The following PPP1R9A variants were observed in gnomAD, a reference collection of about 807,000 sequenced individuals.
PPP1R9A encodes the protein neurabin-1.
PPP1R9A carries 59 observed loss-of-function variants against 141.9 expected under a neutral mutation model. That is an observed-to-expected ratio of 0.42 (90% CI 0.34 to 0.52). The LOEUF is 0.52. Among genes scored for constraint, PPP1R9A ranks in the 20% least tolerant of loss-of-function variants. PPP1R9A has a pLI of 0.10. For missense variants in PPP1R9A, 1,444 were observed against 1,611.9 expected, an observed-to-expected ratio of 0.90 and a Z score of 1.78; for synonymous variants, 500 against 569.7, an observed-to-expected ratio of 0.88 and a Z score of 1.74.
At chr7:95,091,835 T>A (rs1817391454) in intron 2 of PPP1R9A, among the ~76,000 whole-genome samples, 1 of 150,554 alleles carries the variant, frequency 6.6e-6, no homozygotes, top group Non-Finnish European at 1.5e-5. Context: ...GCTTTTTTTT[T>A]TTTTTCAAAC....
rs139406470 is a variant in PPP1R9A, at chr7:95,041,679, T to G, written c.1396-69580T>G. Among the ~76,000 whole-genome samples the G allele has an allele frequency of 3.8e-3, 573 of 152,288 alleles. 7 individuals are homozygous for G. The highest frequency in any genetic ancestry group is 0.013 in the African/African-American group (543 of 41,578). ...TCTCGTAACTAGAAATCTCATGCTT[T>G]TCTGAAATAGGAATAATTGAATATT... On this transcript the variant is annotated intron_variant, in intron 2 of 19. Transcript: ENST00000433360.
chr7:95,070,593 G>GTATATATATATATATATATATGTATATA (rs71961632), intron 2 of PPP1R9A, among the ~76,000 whole-genome samples: 1 of 111,940 alleles, frequency 8.9e-6, no homozygotes, highest in Non-Finnish European at 1.9e-5. Flanking sequence ...TAAATCTCTG[G>GTATATATATATATATATATATGTATATA]TATATATATA....
chr7:95,043,288 T>A (rs1204159509), intron 2 of PPP1R9A, among the ~76,000 whole-genome samples: 1 of 152,212 alleles, frequency 6.6e-6, no homozygotes, highest in Admixed American at 6.6e-5. Context: ...AAGACATATC[T>A]GCCTTGAATA....
In PPP1R9A at chr7:95,294,445, A is replaced by C. The variant is rs372112815; in HGVS notation, c.*4142A>C. 6.6e-6 allele frequency: 1 copy of C among 151,182 alleles called. No homozygotes were observed. The highest frequency in any genetic ancestry group is 1.5e-5 in the Non-Finnish European group (1 of 67,856). 9.4% of individuals were successfully genotyped at this position (151,182 alleles called of 1,614,324 possible). ...CACCACCCCCAGCCAAAACATCCAT[A>C]TTTTCTATTAGAATGGTTTACATTA... On this transcript the variant is annotated 3_prime_UTR_variant, in exon 20 of 20. Coordinates refer to ENST00000433360, the MANE Select transcript of PPP1R9A (RefSeq NM_001166160.2).
In PPP1R9A at chr7:94,909,991, C is replaced by T. The variant is rs150510570; in HGVS notation, c.-123C>T. The T allele has an allele frequency of 1.3e-5, 10 of 771,946 alleles. No individual in the cohort carries two copies. The East Asian group carries it at 1.6e-4, about 12-fold the overall frequency. 47.8% of individuals were successfully genotyped at this position (771,946 alleles called of 1,614,324 possible). On this transcript the variant is annotated 5_prime_UTR_variant, in exon 2 of 20. Transcript: ENST00000433360. ...CACCTGTTGGGACGATCACTGACAC[C>T]GTATACCATTTGAGAGGTACTTTTC...
At chr7:95,261,745 A>G (rs1055350960) in intron 12 of PPP1R9A, among the ~76,000 whole-genome samples, 47 of 152,298 alleles carry the variant, frequency 3.1e-4, no homozygotes, top group African/African-American at 1.1e-3. Flanking sequence ...CGATACATTT[A>G]CAAATTTGAT....
intron 5 of PPP1R9A, among the ~76,000 whole-genome samples, chr7:95,190,484 T>C (rs1835337840): frequency 6.6e-6 from 1 of 152,220 alleles, no homozygotes; most frequent in Non-Finnish European, 1.5e-5. Flanking sequence ...TTGAGGATGC[T>C]GGCTTTCTTG....
intron 8 of PPP1R9A, among the ~76,000 whole-genome samples, chr7:95,234,792 T>C (rs144998707): frequency 5.9e-5 from 9 of 151,918 alleles, no homozygotes; most frequent in African/African-American, 1.4e-4. Context: ...GTCACCGATA[T>C]AGCATGGTAC....
intron 2 of PPP1R9A, among the ~76,000 whole-genome samples, chr7:94,999,733 A>C (rs1802627082): frequency 6.6e-6 from 1 of 151,456 alleles, no homozygotes; most frequent in East Asian, 1.9e-4. Flanking sequence ...ACTTTTTAGC[A>C]CAAGAAGAAT....
chr7:95,045,013 G>C (rs1261822949), intron 2 of PPP1R9A, among the ~76,000 whole-genome samples: 1 of 152,082 alleles, frequency 6.6e-6, no homozygotes, highest in Non-Finnish European at 1.5e-5. Flanking sequence ...GAGTTGAAAA[G>C]GCTTGGGTCT....
At chr7:95,118,582 G>C (rs567388793) in intron 3 of PPP1R9A, among the ~76,000 whole-genome samples, 2 of 152,052 alleles carry the variant, frequency 1.3e-5, no homozygotes. Context: ...GTAGAATAAA[G>C]ATATAAGATT....
intron 2 of PPP1R9A, among the ~76,000 whole-genome samples, chr7:95,075,695 G>T (rs780591301): frequency 4.6e-5 from 7 of 152,120 alleles, no homozygotes; most frequent in Non-Finnish European, 1.0e-4. Flanking sequence ...AAATTAGCCT[G>T]GTGTGGTGGC....
At chr7:94,991,783 C>G (rs987775118) in intron 2 of PPP1R9A, among the ~76,000 whole-genome samples, 1 of 152,082 alleles carries the variant, frequency 6.6e-6, no homozygotes, top group African/African-American at 2.4e-5. Context: ...TTCCGAGTAG[C>G]TGGGAACACA....
rs183756773 is a variant in PPP1R9A at position 95,067,973 on chromosome 7, C to G, written c.1396-43286C>G. ...CAGTCAAACTATGAAACAGCCCCAC[C>G]CTTATCTCCCTTCACTGACTCTCTT... is the stretch of plus-strand genomic sequence containing the variant. On this transcript the variant is annotated intron_variant, in intron 2 of 19. Coordinates refer to ENST00000433360, the MANE Select transcript of PPP1R9A (RefSeq NM_001166160.2). Among the ~76,000 whole-genome samples the G allele has an allele frequency of 5.6e-3, 845 of 150,054 alleles. 4 individuals carry two copies. Among genetic ancestry groups the G allele is most frequent in the Non-Finnish European group, 8.1e-3 (552 of 68,002 alleles).
intron 7 of PPP1R9A, among the ~76,000 whole-genome samples, chr7:95,213,320 C>CTTTTTTTTTTTTTT (rs548473436): frequency 1.5e-5 from 2 of 129,140 alleles, no homozygotes; most frequent in African/African-American, 2.9e-5. Flanking sequence ...CTTTCTCTTT[C>CTTTTTTTTTTTTTT]TTTTTTTTTT....
Position 95,295,012 on chromosome 7 carries a change from G to GAGT in PPP1R9A, c.*4711_*4713dup, listed in dbSNP as rs1806906599. On this transcript the variant is annotated 3_prime_UTR_variant, in exon 20 of 20. Coordinates refer to ENST00000433360, the MANE Select transcript of PPP1R9A (RefSeq NM_001166160.2). Reference sequence around the variant, plus strand: ...CCAAAACTGCTAGGGATTCAACAGTGAGTAAGATGTATGCAATAAGAGAAC... The same window carrying GAGT: ...CCAAAACTGCTAGGGATTCAACAGTGAGTAGTAAGATGTATGCAATAAGAGAAC... 1 of 152,612 alleles carries GAGT rather than the reference G, an allele frequency of 6.6e-6. No homozygotes were observed. The allele number at this position is 152,612 out of a possible 1,614,324, so 9.5% of individuals were successfully genotyped here. A position where few individuals can be genotyped will look rare whatever the true frequency, so the allele number is the denominator to read the frequency against.
chr7:94,994,747 A>AGCTGGGCAT (rs1801953145), intron 2 of PPP1R9A, among the ~76,000 whole-genome samples: 1 of 152,034 alleles, frequency 6.6e-6, no homozygotes, highest in Non-Finnish European at 1.5e-5. Context: ...TACAAAAATT[A>AGCTGGGCAT]GCTGGGCATG....
In PPP1R9A at chr7:95,040,509, T is replaced by TTAA. The variant is rs200666653; in HGVS notation, c.1396-70738_1396-70736dup. On this transcript the variant is annotated intron_variant, in intron 2 of 19. Transcript: ENST00000433360. ...ATTAAAAATAATACAGGATATTATT[T>TTAA]TAATAATAATAATACAGGATGTACT... Among the ~76,000 whole-genome samples, 975 of 152,086 alleles carry TTAA rather than the reference T, an allele frequency of 6.4e-3. 12 individuals are homozygous for TTAA. The highest frequency in any genetic ancestry group is 0.022 in the African/African-American group (931 of 41,486).
At chr7:94,970,229 C>T (rs985351755) in intron 2 of PPP1R9A, among the ~76,000 whole-genome samples, 1 of 152,194 alleles carries the variant, frequency 6.6e-6, no homozygotes, top group Non-Finnish European at 1.5e-5. Flanking sequence ...TGGTGTCTGC[C>T]CAAACGGCCA....
Sources: allele counts gnomAD v4.1 joint callset (sites outside exome capture counted in the v4.1 genomes callset), GRCh38; gene constraint gnomAD v4.1.1; transcripts MANE v1.5; gene names NCBI Gene and HGNC (gene_info 2026-07-23, HGNC 2026-07-21).